The following PRDM4 variants were observed in gnomAD, a reference collection of about 807,000 sequenced individuals.
PRDM4 encodes PR/SET domain 4, also known as PR domain zinc finger protein 4.
PRDM4 carries 38 observed loss-of-function variants against 62.3 expected under a neutral mutation model. That is an observed-to-expected ratio of 0.61 (90% CI 0.47 to 0.80). The LOEUF is 0.80. PRDM4 is among the 30% of genes least tolerant of loss of function. The probability of loss-of-function intolerance (pLI) is 0.00; values close to 1 mark genes in which losing one functional copy is unlikely to be tolerated. For synonymous variants in PRDM4, 339 were observed against 348.2 expected, an observed-to-expected ratio of 0.97 and a Z score of 0.30; for missense variants, 858 against 997.1, an observed-to-expected ratio of 0.86 and a Z score of 1.88.
At chr12:107,744,830 T>C (rs191104493) in intron 6 of PRDM4, 169 bp from the exon 7 acceptor site, 2 of 846,800 alleles carry the variant, frequency 2.4e-6, no homozygotes, top group African/African-American at 1.7e-5. Flanking sequence ...GAGGCCGAGG[T>C]GGGCAGATCA....
At chr12:107,756,069 G>A (rs1174868836) in intron 3 of PRDM4, among the ~76,000 whole-genome samples, 2 of 151,960 alleles carry the variant, frequency 1.3e-5, no homozygotes, top group African/African-American at 4.8e-5. Flanking sequence ...CACCTTGGTC[G>A]ACAAGAGCGA....
intron 5 of PRDM4, 136 bp downstream of exon 5, chr12:107,751,279 A>T: frequency 3.5e-6 from 3 of 863,632 alleles, no homozygotes; most frequent in Non-Finnish European, 5.2e-6. Context: ...ATAAAGGACA[A>T]TACCAAGGCA....
intron 11 of PRDM4, among the ~76,000 whole-genome samples, chr12:107,735,050 C>T (rs1890284489): frequency 1.3e-5 from 2 of 152,072 alleles, no homozygotes; most frequent in Non-Finnish European, 2.9e-5. Flanking sequence ...AGTGCAATGG[C>T]TATTCACAGG....
intron 5 of PRDM4, among the ~76,000 whole-genome samples, chr12:107,747,451 G>A (rs1430591918): frequency 6.6e-6 from 1 of 152,122 alleles, no homozygotes; most frequent in Non-Finnish European, 1.5e-5. Context: ...ACATTCTTAA[G>A]ACAAAAACAA....
In PRDM4 at chr12:107,734,287, C is replaced by T. The variant is rs764511908; in HGVS notation, c.2329G>A (p.Asp777Asn). The T allele has an allele frequency of 1.2e-6, 2 of 1,614,208 alleles. No individual in the cohort carries two copies. The highest frequency in any genetic ancestry group is 1.7e-6 in the Non-Finnish European group (2 of 1,180,028). The change falls in exon 12 of 12, where the codon GAC becomes AAC. Residue 777 changes from aspartate to asparagine, a missense_variant. This residue lies in a region of PRDM4 where 355 missense variants were observed against 432.6 expected (regional missense o/e 0.82). Coordinates refer to ENST00000228437, the MANE Select transcript of PRDM4 (RefSeq NM_012406.4). ...CTACAGTCTTCTGTCCCCACAGAGT[C>T]TGCTAGATCTTCCTCTTCTGAGTCA... ...EDDSEEEDLADSVGTEDCRIN... is the reference protein window; with the variant it reads ...EDDSEEEDLANSVGTEDCRIN...
Position 107,751,794 on chromosome 12 carries a change from T to C in PRDM4, c.747A>G (p.Val249=). 1.9e-6 allele frequency: 3 copies of C among 1,614,234 alleles called. No homozygotes were observed. Among genetic ancestry groups the C allele is most frequent in the Non-Finnish European group, 1.7e-6 (2 of 1,180,036 alleles). ...GCATGGGTATCACACCACCATGTCC[T>C]ACAGCGTCTGCTGCAAGGTTGTTGC... ...SVSNNLAADA[V]GHGGVIPMHG... Residue 249 remains valine, a synonymous_variant, in exon 5 of 12, where the codon GTA becomes GTG. Transcript: ENST00000228437.
intron 2 of PRDM4, chr12:107,760,055 AG>A (rs1891189986): frequency 6.5e-6 from 1 of 153,596 alleles, no homozygotes; most frequent in Non-Finnish European, 1.5e-5. Flanking sequence ...GGCCTTTGAA[AG>A]GGCCTTGAAA....
At chr12:107,741,480 T>C (rs1174599682) in intron 9 of PRDM4, among the ~76,000 whole-genome samples, 5 of 151,896 alleles carry the variant, frequency 3.3e-5, no homozygotes, top group African/African-American at 1.2e-4. Context: ...GAGCCCAAAG[T>C]GGCATGATCA....
chr12:107,755,746 T>C (rs997102161), intron 3 of PRDM4, among the ~76,000 whole-genome samples: 31 of 152,322 alleles, frequency 2.0e-4, no homozygotes, highest in South Asian at 1.9e-3. Context: ...TTATATTCTA[T>C]TTCAATAGAA....
chr12:107,757,050 G>A, intron 2 of PRDM4, 85 bp from the exon 3 acceptor site: 1 of 1,431,276 alleles, frequency 7.0e-7, no homozygotes, highest in Non-Finnish European at 9.6e-7. Flanking sequence ...GAAACAGTGG[G>A]GATGGGGAAA....
chr12:107,736,067 C>A (rs1593160029), intron 11 of PRDM4, among the ~76,000 whole-genome samples: 1 of 152,214 alleles, frequency 6.6e-6, no homozygotes, highest in East Asian at 1.9e-4. Context: ...AAACCCCTAC[C>A]AAAAGTCTGA....
At chr12:107,739,582 A>G in intron 10 of PRDM4, 31 bp from the exon 11 acceptor site, 1 of 1,597,388 alleles carries the variant, frequency 6.3e-7, no homozygotes, top group East Asian at 2.2e-5. Context: ...TACACCGTGA[A>G]GAAAACAACT....
chr12:107,745,161 G>C (rs889217545), intron 6 of PRDM4, among the ~76,000 whole-genome samples: 3 of 152,246 alleles, frequency 2.0e-5, no homozygotes, highest in Non-Finnish European at 4.4e-5. Context: ...GTAATGAACA[G>C]ATAACATAGG....
At position 107,742,357 on chromosome 12, in the gene PRDM4, T is replaced by C. The variant is rs1197275936; in HGVS notation, c.1482-9A>G. ...TCTGCTCTTCCCGGTTCCTGAGTTA[T>C]CACATTTAATAGATCAAGCACATTA... is the stretch of plus-strand genomic sequence containing the variant. On this transcript the variant is annotated splice_polypyrimidine_tract_variant and intron_variant, in intron 8 of 11. Transcript: ENST00000228437. The C allele has an allele frequency of 1.9e-6, 3 of 1,613,094 alleles. No homozygotes were observed. The highest frequency in any genetic ancestry group is 2.2e-5 in the East Asian group (1 of 44,828).
chr12:107,754,175 A>C, intron 3 of PRDM4, 66 bp from the exon 4 acceptor site: 1 of 1,271,036 alleles, frequency 7.9e-7, no homozygotes, highest in Non-Finnish European at 1.1e-6. Flanking sequence ...CACTACAACC[A>C]CTGGCTAAAC....
At chr12:107,742,763 CTTTTT>C (rs750002269) in intron 8 of PRDM4, among the ~76,000 whole-genome samples, 222 of 120,510 alleles carry the variant, frequency 1.8e-3, no homozygotes, top group Admixed American at 3.8e-3. Flanking sequence ...TGGTAAGTGC[CTTTTT>C]TTTTTTTTTT....
chr12:107,744,809 C>T (rs1473579733), intron 6 of PRDM4, 148 bp from the exon 7 acceptor site: 48 of 1,137,884 alleles, frequency 4.2e-5, no homozygotes, highest in East Asian at 5.9e-5. Flanking sequence ...CCTGTTATCC[C>T]GGCACTTTGG....
rs754394247 is a variant in PRDM4 at position 107,751,449 on chromosome 12, T to C, written c.1092A>G (p.Ser364=). 1 of 1,608,846 alleles carries C rather than the reference T, an allele frequency of 6.2e-7. No individual in the cohort carries two copies. The highest frequency in any genetic ancestry group is 8.5e-7 in the Non-Finnish European group (1 of 1,175,504). Residue 364 remains serine (S), a synonymous_variant, in exon 5 of 12, where the codon TCA becomes TCG. Coordinates refer to ENST00000228437, the MANE Select transcript of PRDM4 (RefSeq NM_012406.4). ...ACAAGGTTGCCATGTTCTCCTTGTT[T>C]GAATTGGAGTCTTCCATTTGCAGTG... ...SPSLQMEDSN[S]NKENMATLFT... is the part of the protein sequence containing the mutation.
chr12:107,749,413 T>C (rs1199006373), intron 5 of PRDM4, among the ~76,000 whole-genome samples: 1 of 151,348 alleles, frequency 6.6e-6, no homozygotes, highest in Non-Finnish European at 1.5e-5. Context: ...TTTTTTTTTT[T>C]TCCTGAGACA....
Sources: gnomAD v4.1 joint callset for allele counts (sites outside exome capture counted in the v4.1 genomes callset) on GRCh38, gnomAD v4.1.1 for gene constraint, gnomAD v4.1.1 regional missense constraint, MANE v1.5 for transcripts, NCBI Gene and HGNC (gene_info 2026-07-23, HGNC 2026-07-21) for gene names.